Variants in RYR3 observed in about 807,000 individuals in gnomAD.
RYR3 encodes brain ryanodine receptor-calcium release channel.
A neutral mutation model predicts 584.3 loss-of-function variants in RYR3; 207 were observed. The observed-to-expected ratio is 0.35, with a 90% CI of 0.32 to 0.40. RYR3 has a LOEUF of 0.40. RYR3 is among the 10% of genes least tolerant of loss of function. The probability of loss-of-function intolerance (pLI) is 1.00; values close to 1 mark genes in which losing one functional copy is unlikely to be tolerated. For missense variants in RYR3, 5,616 were observed against 6,089.2 expected (o/e 0.92, Z 2.59); for synonymous variants, 2,416 against 2,248.5 (o/e 1.07, Z -2.11).
At chr15:33,765,561 A>G (rs1379466571) in intron 60 of RYR3, among the ~76,000 whole-genome samples, 2 of 137,746 alleles carry the variant, frequency 1.5e-5, no homozygotes, top group Non-Finnish European at 3.1e-5. Context: ...TGAACCCAGG[A>G]GGCGGAGGTT....
chr15:33,725,144 T>C (rs2068253562), intron 45 of RYR3, among the ~76,000 whole-genome samples: 2 of 112,646 alleles, frequency 1.8e-5, no homozygotes, highest in African/African-American at 3.2e-5. Flanking sequence ...GCCTCTCTGC[T>C]CCAACACCTT....
chr15:33,389,187 C>G (rs2879393), intron 1 of RYR3, among the ~76,000 whole-genome samples: 2,370 of 151,472 alleles, frequency 0.016, 66 homozygotes, highest in African/African-American at 0.055. Context: ...TGTAACAAAC[C>G]TGCACGTTGT....
At chr15:33,462,276 A>C (rs1222428425) in intron 1 of RYR3, among the ~76,000 whole-genome samples, 1 of 152,216 alleles carries the variant, frequency 6.6e-6, no homozygotes, top group Non-Finnish European at 1.5e-5. Context: ...ATTTACTGAC[A>C]ACATGTCAGT....
chr15:33,355,415 C>G (rs1973836664), intron 1 of RYR3, among the ~76,000 whole-genome samples: 1 of 152,126 alleles, frequency 6.6e-6, no homozygotes, highest in African/African-American at 2.4e-5. Context: ...CACATAGCAG[C>G]CTTCCCAGCA....
rs562011967 is a variant in RYR3, at chr15:33,682,468, C to T, written c.5860+11912C>T. Among the ~76,000 whole-genome samples, 373 of 152,090 alleles carry T rather than the reference C, an allele frequency of 2.5e-3. 3 individuals carry two copies. Among genetic ancestry groups the T allele is most frequent in the African/African-American group, 8.4e-3 (347 of 41,478 alleles). Reference sequence around the variant, plus strand: ...GCCTGAATAATCATTTAAAATGCAGCTTATACATCATATATTTGATATCAT... The same window carrying T: ...GCCTGAATAATCATTTAAAATGCAGTTTATACATCATATATTTGATATCAT... On this transcript the variant is annotated intron_variant, in intron 38 of 103. Coordinates refer to ENST00000634891, the MANE Select transcript of RYR3 (RefSeq NM_001036.6).
At chr15:33,355,260 T>C (rs1455571501) in intron 1 of RYR3, among the ~76,000 whole-genome samples, 2 of 151,760 alleles carry the variant, frequency 1.3e-5, no homozygotes, top group African/African-American at 2.4e-5. Context: ...ACACAAAGCA[T>C]GAGATCAGGC....
intron 1 of RYR3, among the ~76,000 whole-genome samples, chr15:33,315,649 C>A (rs1968059166): frequency 6.6e-6 from 1 of 152,208 alleles, no homozygotes; most frequent in Admixed American, 6.5e-5. Context: ...CCCATATCAG[C>A]CGAGCTGGAC....
intron 74 of RYR3, 85 bp downstream of exon 74, chr15:33,813,664 A>C: frequency 9.1e-7 from 1 of 1,095,902 alleles, no homozygotes; most frequent in Non-Finnish European, 1.4e-6. Flanking sequence ...CTCACTCTTA[A>C]TCCAAGGAAT....
intron 66 of RYR3, among the ~76,000 whole-genome samples, chr15:33,786,821 C>G (rs1382018332): frequency 6.6e-6 from 1 of 152,166 alleles, no homozygotes; most frequent in Non-Finnish European, 1.5e-5. Flanking sequence ...CTGGTATTTA[C>G]TTTCCTGGAC....
At chr15:33,837,156 C>T (rs7182398) in intron 88 of RYR3, among the ~76,000 whole-genome samples, 169 bp downstream of exon 88, 99,138 of 152,088 alleles carry the variant, frequency 0.65, 32,968 homozygotes, top group South Asian at 0.8. Flanking sequence ...CCTGGTCTGA[C>T]GGACGAAGCC....
chr15:33,464,078 A>G (rs1173262688), intron 1 of RYR3, among the ~76,000 whole-genome samples: 1 of 152,158 alleles, frequency 6.6e-6, no homozygotes, highest in African/African-American at 2.4e-5. Flanking sequence ...TGAATATACA[A>G]TGGTGAACAG....
chr15:33,532,825 G>A (rs1332289059), intron 4 of RYR3, among the ~76,000 whole-genome samples: 1 of 152,172 alleles, frequency 6.6e-6, no homozygotes, highest in African/African-American at 2.4e-5. Context: ...TATTGTAAAA[G>A]TATTTTCAGC....
intron 82 of RYR3, 144 bp downstream of exon 82, chr15:33,825,820 TC>T: frequency 3.5e-6 from 2 of 571,846 alleles, no homozygotes; most frequent in African/African-American, 3.9e-5. Flanking sequence ...GCAACCTCTG[TC>T]TCCTGGGTTC....
intron 65 of RYR3, 98 bp from the exon 66 acceptor site, chr15:33,785,564 T>G (rs1473469235): frequency 5.0e-6 from 5 of 999,558 alleles, no homozygotes; most frequent in African/African-American, 4.9e-5. Context: ...CTCTAGAAAT[T>G]TATTCCTAAA....
chr15:33,453,778 A>G (rs1217710461), intron 1 of RYR3, among the ~76,000 whole-genome samples: 1 of 152,194 alleles, frequency 6.6e-6, no homozygotes, highest in Non-Finnish European at 1.5e-5. Flanking sequence ...AATAATACTA[A>G]TGTCTTCCTG....
intron 86 of RYR3, among the ~76,000 whole-genome samples, chr15:33,833,630 A>T (rs956507263): frequency 2.6e-5 from 4 of 152,266 alleles, no homozygotes; most frequent in African/African-American, 4.8e-5. Context: ...CCTTATCTTC[A>T]GAACTTCCCA....
chr15:33,677,217 G>C (rs553854052), intron 38 of RYR3, among the ~76,000 whole-genome samples: 2 of 152,154 alleles, frequency 1.3e-5, no homozygotes, highest in Admixed American at 1.3e-4. Context: ...CTGGAAAGGG[G>C]GCCATGGGGA....
chr15:33,514,190 G>A lies in RYR3; in HGVS notation c.279+10452G>A, dbSNP rs182575984. On this transcript the variant is annotated intron_variant, in intron 3 of 103. Transcript: ENST00000634891. ...AGGCACTTGATTTTAGAGTTTTTAG[G>A]CATCAGTTGCCCCTCCTTTTGTTTT... 2.0e-5 allele frequency among the ~76,000 whole-genome samples: 3 copies of A among 152,248 alleles called. No homozygotes were observed. The East Asian group carries it at 5.8e-4, about 29-fold the overall frequency.
At chr15:33,840,960 G>A (rs1411183432) in intron 90 of RYR3, 77 bp downstream of exon 90, 11 of 1,327,768 alleles carry the variant, frequency 8.3e-6, no homozygotes, top group South Asian at 3.7e-5. Flanking sequence ...GCTCGCACCT[G>A]TAATCCCAGC....
Sources: gnomAD v4.1 joint callset for allele counts (sites outside exome capture counted in the v4.1 genomes callset) on GRCh38, gnomAD v4.1.1 for gene constraint, MANE v1.5 for transcripts, NCBI Gene and HGNC (gene_info 2026-07-23, HGNC 2026-07-21) for gene names.